The following PDE1C variants were observed in gnomAD, a reference collection of about 807,000 sequenced individuals.
PDE1C encodes the protein dual specificity calcium/calmodulin-dependent 3',5'-cyclic nucleotide phosphodiesterase 1C.
In PDE1C, 62 loss-of-function variants were observed where a neutral mutation model predicts 93.1. That is an observed-to-expected ratio of 0.67 (90% CI 0.54 to 0.82). The LOEUF (loss-of-function observed/expected upper bound fraction) is 0.82. Ranked by LOEUF, PDE1C falls within the 40% of genes least tolerant of loss-of-function variation. The pLI is 0.00. For synonymous variants in PDE1C, 325 were observed against 310.1 expected, an observed-to-expected ratio of 1.05 and a Z score of -0.50; for missense variants, 742 against 884.6, an observed-to-expected ratio of 0.84 and a Z score of 2.04.
chr7:32,185,528 A>G (rs1803795381), intron 2 of PDE1C, among the ~76,000 whole-genome samples: 1 of 152,190 alleles, frequency 6.6e-6, no homozygotes, highest in Non-Finnish European at 1.5e-5. Flanking sequence ...CAAATTTTTA[A>G]AAGTCTTTGT....
chr7:32,113,152 A>G (rs1209112790), intron 3 of PDE1C, among the ~76,000 whole-genome samples: 1 of 147,846 alleles, frequency 6.8e-6, no homozygotes, highest in South Asian at 2.1e-4. Context: ...AGATGCTATC[A>G]AATCATGACA....
chr7:31,753,632 TC>T, intron 17 of PDE1C, 79 bp from the exon 18 acceptor site: 1 of 1,509,302 alleles, frequency 6.6e-7, no homozygotes, highest in Non-Finnish European at 8.9e-7. Flanking sequence ...GTGAGCAACT[TC>T]CTCTAGACCT....
chr7:32,210,912 A>T (rs917189071), intron 1 of PDE1C, among the ~76,000 whole-genome samples: 1 of 152,104 alleles, frequency 6.6e-6, no homozygotes, highest in Non-Finnish European at 1.5e-5. Flanking sequence ...ACACCGCAGC[A>T]TTTCAAAAAA....
chr7:32,279,209 C>T (rs183608921), intron 1 of PDE1C, among the ~76,000 whole-genome samples: 10 of 152,180 alleles, frequency 6.6e-5, no homozygotes, highest in African/African-American at 1.9e-4. Flanking sequence ...GTGACTCTCA[C>T]AATCTGAAAA....
chr7:32,140,372 G>A (rs967790316), intron 3 of PDE1C, among the ~76,000 whole-genome samples: 2 of 152,164 alleles, frequency 1.3e-5, no homozygotes, highest in Non-Finnish European at 2.9e-5. Flanking sequence ...GTCACAAAGA[G>A]CATGTGAATT....
chr7:31,775,528 A>G (rs904857889), intron 17 of PDE1C, 136 bp downstream of exon 17: 2 of 688,922 alleles, frequency 2.9e-6, no homozygotes, highest in Admixed American at 2.8e-5. Context: ...GGTGACAGAG[A>G]CAAAGCTCTC....
chr7:31,630,614 A>G, the PDE1C span, among the ~76,000 whole-genome samples: 1 of 152,200 alleles, frequency 6.6e-6, no homozygotes, highest in South Asian at 2.1e-4. Flanking sequence ...ATCTGCATCG[A>G]GTATGTCACA....
At chr7:32,285,784 G>C (rs922667497) in intron 1 of PDE1C, among the ~76,000 whole-genome samples, 2 of 144,258 alleles carry the variant, frequency 1.4e-5, no homozygotes, top group Non-Finnish European at 3.0e-5. Context: ...GGAGTGGAGG[G>C]GAGGGGAGGG....
At chr7:32,146,508 C>A (rs1800846371) in intron 3 of PDE1C, among the ~76,000 whole-genome samples, 1 of 152,134 alleles carries the variant, frequency 6.6e-6, no homozygotes, top group Admixed American at 6.5e-5. Flanking sequence ...TGGCTATGAT[C>A]CTCCTGCCTC....
chr7:31,949,603 C>T (rs1807089011), intron 2 of PDE1C, among the ~76,000 whole-genome samples: 1 of 152,028 alleles, frequency 6.6e-6, no homozygotes, highest in East Asian at 1.9e-4. Flanking sequence ...TTAAGGAAAT[C>T]AGTAATGGTA....
At chr7:32,195,400 G>T (rs964124350) in intron 2 of PDE1C, among the ~76,000 whole-genome samples, 1 of 152,142 alleles carries the variant, frequency 6.6e-6, no homozygotes, top group South Asian at 2.1e-4. Flanking sequence ...GATTAGAGGG[G>T]ATTCTAGGTT....
chr7:31,810,247 T>C (rs6951749), intron 15 of PDE1C, among the ~76,000 whole-genome samples: 7,136 of 152,222 alleles, frequency 0.047, 193 homozygotes, highest in South Asian at 0.075. Context: ...CCAGTCTTAC[T>C]AATGGAAGCT....
At chr7:31,755,850 T>A (rs1794429475) in intron 17 of PDE1C, among the ~76,000 whole-genome samples, 2 of 152,114 alleles carry the variant, frequency 1.3e-5, no homozygotes, top group Admixed American at 1.3e-4. Context: ...CAAAGTGACA[T>A]CCTTCCAAAA....
chr7:32,241,558 A>AG, intron 1 of PDE1C, among the ~76,000 whole-genome samples: 1 of 152,316 alleles, frequency 6.6e-6, no homozygotes, highest in East Asian at 1.9e-4. Context: ...GTAAAAAAAA[A>AG]TTATGTTAAG....
chr7:32,110,753 C>T (rs546774717), intron 3 of PDE1C, among the ~76,000 whole-genome samples: 46 of 152,234 alleles, frequency 3.0e-4, no homozygotes, highest in African/African-American at 9.9e-4. Flanking sequence ...CTTGAACTCC[C>T]CAGAGAAATT....
intron 2 of PDE1C, among the ~76,000 whole-genome samples, chr7:31,985,360 C>T (rs1783238771): frequency 6.6e-6 from 1 of 151,650 alleles, no homozygotes; most frequent in Non-Finnish European, 1.5e-5. Flanking sequence ...TTCCAGGAAC[C>T]TTGAGAAATC....
chr7:32,170,594 G>A (rs1802583847), intron 2 of PDE1C, among the ~76,000 whole-genome samples: 1 of 152,152 alleles, frequency 6.6e-6, no homozygotes, highest in African/African-American at 2.4e-5. Flanking sequence ...TTGATATGAT[G>A]TCATGAAAAT....
At chr7:32,272,424 T>C (rs77987185) in intron 1 of PDE1C, among the ~76,000 whole-genome samples, 1 of 152,244 alleles carries the variant, frequency 6.6e-6, no homozygotes, top group Non-Finnish European at 1.5e-5. Flanking sequence ...ATTGAACTAA[T>C]GAAGATGTCG....
chr7:32,418,763 A>G (rs1785327574), intron 1 of PDE1C, among the ~76,000 whole-genome samples: 1 of 152,214 alleles, frequency 6.6e-6, no homozygotes, highest in Non-Finnish European at 1.5e-5. Context: ...CAAACAAAAA[A>G]TTAAAAATTA....
Sources: gnomAD v4.1 joint callset for allele counts (sites outside exome capture counted in the v4.1 genomes callset) on GRCh38, gnomAD v4.1.1 for gene constraint, MANE v1.5 for transcripts, NCBI Gene and HGNC (gene_info 2026-07-23, HGNC 2026-07-21) for gene names.